SPI1: variants seen among roughly 807,000 people sequenced by gnomAD.
SPI1 encodes Spi-1 proto-oncogene.
A neutral mutation model predicts 30.7 loss-of-function variants in SPI1; 3 were observed. That is an observed-to-expected ratio of 0.10 (90% CI 0.04 to 0.25). SPI1 has a LOEUF of 0.25. Ranked by LOEUF, SPI1 falls within the 10% of genes least tolerant of loss-of-function variation. The pLI is 1.00. For synonymous variants in SPI1, 169 were observed against 157.1 expected (o/e 1.08, Z -0.56); for missense variants, 261 against 371.5 (o/e 0.70, Z 2.45).
At chr11:47,371,763 C>T (rs1051544885) in intron 2 of SPI1, among the ~76,000 whole-genome samples, 11 of 152,130 alleles carry the variant, frequency 7.2e-5, no homozygotes, top group South Asian at 2.1e-4. Context: ...TTTCCCTGCT[C>T]AGAACTCCCC....
intron 2 of SPI1, among the ~76,000 whole-genome samples, chr11:47,361,959 C>T (rs1008117329): frequency 1.2e-4 from 18 of 152,122 alleles, no homozygotes; most frequent in Admixed American, 9.2e-4. Context: ...ATTATTTGGC[C>T]TCACAGTCCA....
rs913660241 is a variant in SPI1 at position 47,374,720 on chromosome 11, A to G, written c.142+913T>C. Among the ~76,000 whole-genome samples, 1 of 152,216 alleles carries G rather than the reference A, an allele frequency of 6.6e-6. No homozygotes were observed. The highest frequency in any genetic ancestry group is 1.5e-5 in the Non-Finnish European group (1 of 68,038). On this transcript the variant is annotated intron_variant, in intron 2 of 4. Transcript: ENST00000378538. This position sits in a 1 kb window ranked among gnomAD's most constrained non-coding sequence, Gnocchi z 4.5. ...TGGGTCAGGGATGTCTACATCAATA[A>G]GCCAAGATCCACTTTGGGCAACCTC...
At position 47,355,034 on chromosome 11, in the gene SPI1, G is replaced by C; in HGVS notation, c.*193C>G. On this transcript the variant is annotated 3_prime_UTR_variant, in exon 5 of 5. Transcript: ENST00000378538. ...CCAGCTGGCGTCCGGGAGCCGGGGTGGAGTCCTGGAGGGAGGCGAAGCGGG... is the reference window on the plus strand; with the variant it reads ...CCAGCTGGCGTCCGGGAGCCGGGGTCGAGTCCTGGAGGGAGGCGAAGCGGG... 1 of 376,656 alleles carries C rather than the reference G, an allele frequency of 2.7e-6. No homozygotes were observed. The highest frequency in any genetic ancestry group is 4.5e-6 in the Non-Finnish European group (1 of 220,778). 23.3% of individuals were successfully genotyped at this position (376,656 alleles called of 1,614,324 possible). A position where few individuals can be genotyped will look rare whatever the true frequency, so the allele number is the denominator to read the frequency against.
Position 47,359,778 on chromosome 11 carries a change from G to A in SPI1, c.330+75C>T. Reference sequence around the variant, plus strand: ...CTGAGTTGGGTAAGAGCCTGTGTCAGCTTCCTGTGAAGCTCCCGGGCCCCA... The same window carrying A: ...CTGAGTTGGGTAAGAGCCTGTGTCAACTTCCTGTGAAGCTCCCGGGCCCCA... On this transcript the variant is annotated intron_variant, in intron 3 of 4. Coordinates refer to ENST00000378538, the MANE Select transcript of SPI1 (RefSeq NM_003120.3). This position sits in a 1 kb window ranked among gnomAD's most constrained non-coding sequence, Gnocchi z 5.1. 2 of 1,523,204 alleles carry A rather than the reference G, an allele frequency of 1.3e-6. No individual in the cohort carries two copies. Among genetic ancestry groups the A allele is most frequent in the Non-Finnish European group, 1.8e-6 (2 of 1,119,220 alleles). 94.4% of individuals were successfully genotyped at this position (1,523,204 alleles called of 1,614,324 possible).
At chr11:47,358,711 A>G (rs1162615860) in intron 4 of SPI1, 133 bp downstream of exon 4, 1 of 913,804 alleles carries the variant, frequency 1.1e-6, no homozygotes, top group African/African-American at 1.7e-5. Flanking sequence ...CAAAACACAC[A>G]CACTGGCAAA....
intron 2 of SPI1, among the ~76,000 whole-genome samples, chr11:47,361,015 G>A (rs2095919986): frequency 6.6e-6 from 1 of 151,782 alleles, no homozygotes; most frequent in African/African-American, 2.4e-5. Context: ...CAGCTACTCA[G>A]GAGGCTGAGG....
intron 4 of SPI1, chr11:47,358,462 ACT>A (rs931646124): frequency 1.1e-5 from 7 of 640,892 alleles, no homozygotes; most frequent in Admixed American, 4.3e-5. Context: ...GGCCACACCC[ACT>A]CTCAGCCACA....
In SPI1 at chr11:47,355,021, C is replaced by T. The variant is rs1382126232; in HGVS notation, c.*206G>A. ...TGGGGTCTGACGCCCAGCTGGCGTC[C>T]GGGAGCCGGGGTGGAGTCCTGGAGG... On this transcript the variant is annotated 3_prime_UTR_variant, in exon 5 of 5. Transcript: ENST00000378538. 6.1e-6 allele frequency: 2 copies of T among 329,168 alleles called. No homozygotes were observed. The highest frequency in any genetic ancestry group is 1.0e-5 in the Non-Finnish European group (2 of 200,228). The allele number at this position is 329,168 out of a possible 1,614,324, so 20.4% of individuals were successfully genotyped here.
intron 4 of SPI1, among the ~76,000 whole-genome samples, chr11:47,356,983 T>C (rs971518315): frequency 2.1e-5 from 3 of 141,028 alleles, no homozygotes; most frequent in Non-Finnish European, 3.1e-5. Flanking sequence ...CTCACACACA[T>C]GCTCACCTAT....
chr11:47,356,883 TAC>T (rs3842252), intron 4 of SPI1, among the ~76,000 whole-genome samples: 44,987 of 145,752 alleles, frequency 0.31, 6,822 homozygotes, highest in Middle Eastern at 0.41. Context: ...ATTACTCAGC[TAC>T]ACACACACGC....
At chr11:47,366,844 AAAGAAAAG>A (rs1262155940) in intron 2 of SPI1, among the ~76,000 whole-genome samples, 1 of 151,408 alleles carries the variant, frequency 6.6e-6, no homozygotes, top group Non-Finnish European at 1.5e-5. Context: ...AAAGAAAAGA[AAAGAAAAG>A]AAACAGGCTC....
intron 2 of SPI1, 53 bp from the exon 3 acceptor site, chr11:47,360,093 G>GGC: frequency 3.0e-6 from 4 of 1,349,842 alleles, no homozygotes; most frequent in Non-Finnish European, 4.0e-6. Flanking sequence ...GGCAGGGCAG[G>GGC]AAAAGGTTAT....
rs929748482 is a variant in SPI1 at position 47,357,300 on chromosome 11, A to G, written c.493+1544T>C. Among the ~76,000 whole-genome samples the G allele has an allele frequency of 1.7e-4, 26 of 150,466 alleles. No homozygotes were observed. The East Asian group carries it at 3.8e-3, about 22-fold the overall frequency. The stretch of plus-strand genomic sequence containing the variant: ...TCACAGCTGCTCACTTATCACTCAC[A>G]CGCTCACACCAGCTCTTTCACACCT... On this transcript the variant is annotated intron_variant, in intron 4 of 4. Coordinates refer to ENST00000378538, the MANE Select transcript of SPI1 (RefSeq NM_003120.3).
intron 2 of SPI1, among the ~76,000 whole-genome samples, chr11:47,366,484 GA>G (rs537155777): frequency 3.0e-4 from 45 of 152,018 alleles, no homozygotes; most frequent in Non-Finnish European, 5.9e-4. Context: ...GAGGGGCCAA[GA>G]AAAAAACCTT....
rs2095916841 is a variant in SPI1 at position 47,359,115 on chromosome 11, A to G, written c.331-109T>C. ...GAAGGAGTGCAGAGGGCAGGGGACA[A>G]TGGCAGGCACAGGAGACTGGAGGAA... is the stretch of plus-strand genomic sequence containing the variant. On this transcript the variant is annotated intron_variant, in intron 3 of 4. Coordinates refer to ENST00000378538, the MANE Select transcript of SPI1 (RefSeq NM_003120.3). The surrounding 1 kb of genome is among the most constrained non-coding windows in gnomAD (Gnocchi z 5.1). 8.0e-6 allele frequency: 8 copies of G among 1,004,280 alleles called. No individual in the cohort carries two copies. In the South Asian group the frequency reaches 8.8e-5, roughly 11 times the overall value. The allele number at this position is 1,004,280 out of a possible 1,614,324, so 62.2% of individuals were successfully genotyped here.
chr11:47,372,578 G>C (rs895351755), intron 2 of SPI1, among the ~76,000 whole-genome samples: 1 of 152,144 alleles, frequency 6.6e-6, no homozygotes, highest in Non-Finnish European at 1.5e-5. Flanking sequence ...TGGACGAGTA[G>C]GTGGGTGGAT....
At chr11:47,362,235 CATCATT>C (rs1376771181) in intron 2 of SPI1, among the ~76,000 whole-genome samples, 3 of 152,112 alleles carry the variant, frequency 2.0e-5, no homozygotes, top group Non-Finnish European at 4.4e-5. Flanking sequence ...ACATTAACTT[CATCATT>C]ATCATTATTA....
chr11:47,363,732 G>T (rs1342841879), intron 2 of SPI1, among the ~76,000 whole-genome samples: 1 of 151,718 alleles, frequency 6.6e-6, no homozygotes, highest in Admixed American at 6.6e-5. Context: ...GGAAGCCAAG[G>T]TGGGCAGATC....
chr11:47,355,025 A>T lies in SPI1; in HGVS notation c.*202T>A, dbSNP rs1454562449. 3.0e-6 allele frequency: 1 copy of T among 331,384 alleles called. No individual in the cohort carries two copies. The highest frequency in any genetic ancestry group is 2.7e-5 in the African/African-American group (1 of 36,828). 20.5% of individuals were successfully genotyped at this position (331,384 alleles called of 1,614,324 possible). A position where few individuals can be genotyped will look rare whatever the true frequency, so the allele number is the denominator to read the frequency against. On this transcript the variant is annotated 3_prime_UTR_variant, in exon 5 of 5. Transcript: ENST00000378538. ...GTCTGACGCCCAGCTGGCGTCCGGGAGCCGGGGTGGAGTCCTGGAGGGAGG... is the reference window on the plus strand; with the variant it reads ...GTCTGACGCCCAGCTGGCGTCCGGGTGCCGGGGTGGAGTCCTGGAGGGAGG...
Sources: gnomAD v4.1 joint callset for allele counts (sites outside exome capture counted in the v4.1 genomes callset) on GRCh38, gnomAD v4.1.1 for gene constraint, Gnocchi (gnomAD v3.1) non-coding constraint, MANE v1.5 for transcripts, NCBI Gene and HGNC (gene_info 2026-07-23, HGNC 2026-07-21) for gene names.